PGPEP1L: variants seen among roughly 807,000 people sequenced by gnomAD.
PGPEP1L encodes pyroglutamyl-peptidase I like.
PGPEP1L carries 7 observed loss-of-function variants against 6.0 expected under a neutral mutation model. The ratio of observed to expected loss-of-function variants is 1.17; its 90% CI spans 0.66 to 2.19. The LOEUF is 2.19. Ranked by LOEUF, PGPEP1L falls within the 30% of genes most tolerant of loss-of-function variation. The probability of loss-of-function intolerance (pLI) is 0.00; values close to 1 mark genes in which losing one functional copy is unlikely to be tolerated. For synonymous variants in PGPEP1L, 103 were observed against 83.9 expected (o/e 1.23, Z -1.24); for missense variants, 209 against 192.5 (o/e 1.09, Z -0.51).
intron 2 of PGPEP1L, among the ~76,000 whole-genome samples, chr15:99,005,128 T>G (rs1263644775): frequency 4.6e-5 from 7 of 152,066 alleles, no homozygotes; most frequent in African/African-American, 1.7e-4. Flanking sequence ...AGCCTCAGCT[T>G]CCTCCCTGCT....
intron 2 of PGPEP1L, among the ~76,000 whole-genome samples, chr15:99,003,176 A>G (rs1299668947): frequency 1.3e-5 from 2 of 148,902 alleles, no homozygotes; most frequent in Non-Finnish European, 3.0e-5. Flanking sequence ...AGAAAAAAAA[A>G]AGGGCAGTTA....
At chr15:98,980,451 TACA>T (rs2017641668) in intron 2 of PGPEP1L, among the ~76,000 whole-genome samples, 5 of 2,278 alleles carry the variant, frequency 2.2e-3, no homozygotes, top group Non-Finnish European at 8.1e-3. Flanking sequence ...ATGAAATGAC[TACA>T]TACATAAGTA....
At chr15:99,003,371 G>C (rs1208739614) in intron 2 of PGPEP1L, among the ~76,000 whole-genome samples, 11 of 151,318 alleles carry the variant, frequency 7.3e-5, no homozygotes, top group Non-Finnish European at 1.5e-4. Flanking sequence ...CTCTGCAAGT[G>C]AAGGTTTGAA....
chr15:99,002,306 A>G (rs1555473142), intron 2 of PGPEP1L, among the ~76,000 whole-genome samples: 2 of 152,194 alleles, frequency 1.3e-5, no homozygotes, highest in African/African-American at 4.8e-5. Flanking sequence ...TACATAAAAT[A>G]TTTGTAAAAT....
intron 2 of PGPEP1L, among the ~76,000 whole-genome samples, chr15:99,004,659 A>C (rs1355255023): frequency 1.3e-5 from 2 of 152,214 alleles, no homozygotes; most frequent in African/African-American, 2.4e-5. Context: ...CGGAGGCTGC[A>C]GTGAGCTGAG....
chr15:98,971,459 G>C (rs149874389), intron 2 of PGPEP1L, among the ~76,000 whole-genome samples: 1 of 151,848 alleles, frequency 6.6e-6, no homozygotes, highest in Non-Finnish European at 1.5e-5. Flanking sequence ...GTACCACTGC[G>C]CTCCAGCCTG....
At chr15:98,975,397 T>C (rs2017553513) in intron 2 of PGPEP1L, among the ~76,000 whole-genome samples, 1 of 152,214 alleles carries the variant, frequency 6.6e-6, no homozygotes, top group Non-Finnish European at 1.5e-5. Context: ...TAAGTTCCAG[T>C]GTTCAATAGC....
intron 2 of PGPEP1L, among the ~76,000 whole-genome samples, chr15:99,003,375 G>C (rs376551551): frequency 6.6e-6 from 1 of 151,216 alleles, no homozygotes; most frequent in African/African-American, 2.5e-5. Flanking sequence ...GCAAGTGAAG[G>C]TTTGAAGCTC....
In PGPEP1L at chr15:98,969,486, C is replaced by T. The variant is rs545450974; in HGVS notation, c.148G>A (p.Ala50Thr). ...DVLESGVCMK[A>T]VCKRVAVEGV... ...TCCACAGCTACGCGCTTGCAGACTGCCTTCATGCAGACCCCTGACTCCAGC... is the reference window on the plus strand; with the variant it reads ...TCCACAGCTACGCGCTTGCAGACTGTCTTCATGCAGACCCCTGACTCCAGC... The change falls in exon 4 of 5, where the codon GCA becomes ACA. Residue 50 changes from alanine to threonine, a missense_variant. Physicochemically the swap from Ala to Thr is moderately conservative, Grantham distance 58. Transcript: ENST00000535714. 6.2e-7 allele frequency: 1 copy of T among 1,614,052 alleles called. No homozygotes were observed. The highest frequency in any genetic ancestry group is 2.2e-5 in the East Asian group (1 of 44,888).
intron 1 of PGPEP1L, among the ~76,000 whole-genome samples, chr15:99,006,176 C>CATA (rs2018057049): frequency 6.6e-6 from 1 of 152,196 alleles, no homozygotes; most frequent in East Asian, 1.9e-4. Context: ...TTTTGAGAAA[C>CATA]GAGGATCGCA....
chr15:98,982,573 C>G (rs999372191), intron 2 of PGPEP1L, among the ~76,000 whole-genome samples: 3 of 152,116 alleles, frequency 2.0e-5, no homozygotes, highest in South Asian at 4.1e-4. Context: ...GTTCAGATAA[C>G]CCACTGAAGC....
intron 4 of PGPEP1L, among the ~76,000 whole-genome samples, chr15:98,969,021 A>G (rs564281318): frequency 6.6e-6 from 1 of 152,364 alleles, no homozygotes; most frequent in African/African-American, 2.4e-5. Context: ...GAAAGGGGAA[A>G]AACCACCTAC....
intron 1 of PGPEP1L, among the ~76,000 whole-genome samples, chr15:99,006,072 T>C (rs565787747): frequency 5.8e-4 from 88 of 152,366 alleles, no homozygotes; most frequent in Admixed American, 1.4e-3. Flanking sequence ...TAGATGAATC[T>C]TATGGCGCCT....
intron 2 of PGPEP1L, among the ~76,000 whole-genome samples, chr15:98,999,789 C>A (rs2017934802): frequency 6.6e-6 from 1 of 152,196 alleles, no homozygotes; most frequent in African/African-American, 2.4e-5. Flanking sequence ...TGATGAATGG[C>A]AAACAAAATG....
chr15:98,971,851 A>C (rs1459024398), intron 2 of PGPEP1L, among the ~76,000 whole-genome samples: 3 of 151,834 alleles, frequency 2.0e-5, no homozygotes, highest in Non-Finnish European at 4.4e-5. Flanking sequence ...TGGTTGAGAG[A>C]TAGGCAACAT....
At chr15:98,972,151 G>A (rs1007197670) in intron 2 of PGPEP1L, among the ~76,000 whole-genome samples, 5 of 151,978 alleles carry the variant, frequency 3.3e-5, no homozygotes, top group Admixed American at 1.3e-4. Flanking sequence ...TCAGGAGTTC[G>A]ACACCAGCAT....
intron 2 of PGPEP1L, chr15:98,998,060 A>G (rs2017912188): frequency 6.6e-6 from 1 of 152,634 alleles, no homozygotes; most frequent in Non-Finnish European, 1.5e-5. Flanking sequence ...CAGCCACAGA[A>G]GAAACTCATT....
chr15:98,974,499 TAA>T (rs573617010), intron 2 of PGPEP1L, among the ~76,000 whole-genome samples: 5 of 152,146 alleles, frequency 3.3e-5, no homozygotes, highest in African/African-American at 1.2e-4. Flanking sequence ...GAATCAGTAA[TAA>T]AAAGTCTCCT....
intron 2 of PGPEP1L, among the ~76,000 whole-genome samples, chr15:98,987,102 G>A (rs2017756655): frequency 7.6e-6 from 1 of 131,822 alleles, no homozygotes. Flanking sequence ...GGGAGGCGAG[G>A]TTGCAATGAG....
Sources: allele counts gnomAD v4.1 joint callset (sites outside exome capture counted in the v4.1 genomes callset), GRCh38; gene constraint gnomAD v4.1.1; transcripts MANE v1.5; gene names NCBI Gene and HGNC (gene_info 2026-07-23, HGNC 2026-07-21).